The following NIM1K variants were observed in gnomAD, a reference collection of about 807,000 sequenced individuals.
NIM1K encodes the protein NIM1 serine/threonine protein kinase.
Under a neutral mutation model 37.1 loss-of-function variants are expected in NIM1K, and 35 were observed. The observed-to-expected ratio is 0.94, with a 90% CI of 0.72 to 1.25. The LOEUF (loss-of-function observed/expected upper bound fraction) is 1.25, where lower values mean the gene tolerates loss of function less well. Among genes scored for constraint, NIM1K ranks in the 50% most tolerant of loss-of-function variants. NIM1K has a pLI of 0.00. For synonymous variants in NIM1K, 234 were observed against 206.6 expected, an observed-to-expected ratio of 1.13 and a Z score of -1.14; for missense variants, 564 against 548.0, an observed-to-expected ratio of 1.03 and a Z score of -0.29.
At chr5:43,195,950 G>T (rs952979268) in intron 1 of NIM1K, among the ~76,000 whole-genome samples, 1 of 152,190 alleles carries the variant, frequency 6.6e-6, no homozygotes, top group African/African-American at 2.4e-5. Flanking sequence ...AAACTAAGAA[G>T]AACTCCACTC....
chr5:43,218,910 T>C (rs1752345083), intron 1 of NIM1K, among the ~76,000 whole-genome samples: 1 of 152,086 alleles, frequency 6.6e-6, no homozygotes, highest in African/African-American at 2.4e-5. Context: ...AAATCTCATC[T>C]TGAATTGTAG....
chr5:43,277,815 T>TGTGTGTGA (rs532526440), intron 3 of NIM1K, among the ~76,000 whole-genome samples: 1,648 of 128,718 alleles, frequency 0.013, 32 homozygotes, highest in African/African-American at 0.045. Flanking sequence ...TGTGTGTGTG[T>TGTGTGTGA]GAGAGAGAGA....
intron 1 of NIM1K, among the ~76,000 whole-genome samples, chr5:43,213,280 GTTTCC>G (rs70994608): frequency 0.36 from 20,871 of 57,536 alleles, 3,101 homozygotes; most frequent in East Asian, 0.42. Context: ...TTTCTTTCTT[GTTTCC>G]TTTCCTTTTC....
chr5:43,229,819 TAG>T (rs1381313968), intron 1 of NIM1K, among the ~76,000 whole-genome samples: 1 of 150,922 alleles, frequency 6.6e-6, no homozygotes, highest in Non-Finnish European at 1.5e-5. Context: ...GTATTTTTAG[TAG>T]AGATGGGGTT....
chr5:43,195,502 T>G (rs1751898797), intron 1 of NIM1K, among the ~76,000 whole-genome samples: 1 of 151,754 alleles, frequency 6.6e-6, no homozygotes, highest in South Asian at 2.1e-4. Flanking sequence ...TATAAAAATT[T>G]TTTAAAAATT....
At position 43,261,199 on chromosome 5, in the gene NIM1K, A is replaced by G. The variant is rs187614274; in HGVS notation, c.292+15132A>G. ...AGGAAGTGCCACATTGACTTCCTCA[A>G]TGGTTGAACTAGTTTACAGTCCCAC... On this transcript the variant is annotated intron_variant, in intron 2 of 3. Transcript: ENST00000326035. Among the ~76,000 whole-genome samples the G allele has an allele frequency of 2.6e-3, 399 of 152,346 alleles. 1 individual carries two copies. The highest frequency in any genetic ancestry group is 8.7e-3 in the African/African-American group (363 of 41,580).
Position 43,198,219 on chromosome 5 carries a change from T to TTC in NIM1K, c.-695+5810_-695+5811dup, listed in dbSNP as rs1381099875. Among the ~76,000 whole-genome samples, 135 of 95,674 alleles carry TTC rather than the reference T, an allele frequency of 1.4e-3. 4 individuals are homozygous for TTC. The highest frequency in any genetic ancestry group is 1.9e-3 in the Non-Finnish European group (86 of 44,226). The allele number at this position is 95,674 out of a possible 152,430, so 62.8% of individuals were successfully genotyped here. A position where few individuals can be genotyped will look rare whatever the true frequency, so the allele number is the denominator to read the frequency against. ...TCTTTCTTTCTTTCTCTTTCTTTCT[T>TTC]TCTTTCTTTCTTTCTTTCTTTCTTT... On this transcript the variant is annotated intron_variant, in intron 1 of 3. Coordinates refer to ENST00000326035, the MANE Select transcript of NIM1K (RefSeq NM_153361.4).
intron 1 of NIM1K, among the ~76,000 whole-genome samples, chr5:43,194,509 A>G (rs569649829): frequency 6.6e-6 from 1 of 152,216 alleles, no homozygotes; most frequent in African/African-American, 2.4e-5. Flanking sequence ...GGTTTATATG[A>G]AATCTGAATT....
chr5:43,231,949 A>G, intron 1 of NIM1K: 1 of 942,754 alleles, frequency 1.1e-6, no homozygotes, highest in Non-Finnish European at 1.6e-6. Flanking sequence ...CCCACGTACC[A>G]GTGAACAAAA....
At chr5:43,265,404 C>T (rs536050669) in intron 2 of NIM1K, among the ~76,000 whole-genome samples, 8 of 152,232 alleles carry the variant, frequency 5.3e-5, no homozygotes, top group African/African-American at 9.6e-5. Context: ...TCCATTTGAT[C>T]GAATTGGCTA....
In NIM1K at chr5:43,280,575, T is replaced by G. The variant is rs574027177; in HGVS notation, c.1157T>G (p.Val386Gly). The G allele has an allele frequency of 1.9e-6, 3 of 1,613,828 alleles. No individual in the cohort carries two copies. The Admixed American group carries it at 5.0e-5, about 27-fold the overall frequency. The change falls in exon 4 of 4, where the codon GTC (valine) becomes GGC (glycine). Residue 386 changes from valine (V) to glycine (G), a missense_variant. Physicochemically the swap from Val to Gly is moderately radical, Grantham distance 109. Transcript: ENST00000326035. ...GATGCTCGCAGCTCAATCACAGGGG[T>G]CTATAGAATTATTTTACATAGAGTC... ...GRDARSSITG[V>G]YRIILHRVQR... is the part of the protein sequence containing the mutation.
intron 1 of NIM1K, among the ~76,000 whole-genome samples, chr5:43,221,045 C>G (rs763338365): frequency 6.6e-5 from 10 of 151,936 alleles, no homozygotes; most frequent in Non-Finnish European, 1.2e-4. Flanking sequence ...ATGATGATCT[C>G]CATATAGACA....
intron 2 of NIM1K, among the ~76,000 whole-genome samples, chr5:43,274,075 T>A (rs549572815): frequency 1.8e-4 from 28 of 152,298 alleles, no homozygotes; most frequent in Admixed American, 5.2e-4. Flanking sequence ...TACATTTATA[T>A]TATGAGGCCT....
chr5:43,193,996 A>AT, intron 1 of NIM1K, among the ~76,000 whole-genome samples: 1 of 151,794 alleles, frequency 6.6e-6, no homozygotes. Context: ...TTTTTATTTT[A>AT]TTTTTTCAGA....
intron 2 of NIM1K, among the ~76,000 whole-genome samples, chr5:43,275,584 G>C (rs997062496): frequency 2.4e-4 from 36 of 152,214 alleles, no homozygotes; most frequent in African/African-American, 8.7e-4. Context: ...TCAACACTGG[G>C]TACTGGTGTG....
At chr5:43,255,928 C>T (rs996574083) in intron 2 of NIM1K, among the ~76,000 whole-genome samples, 2 of 151,212 alleles carry the variant, frequency 1.3e-5, no homozygotes, top group East Asian at 1.9e-4. Flanking sequence ...GCGTAGCAGG[C>T]GTAAGAGTGT....
At chr5:43,238,039 ATTTTTTTTTTT>A (rs71608701) in intron 1 of NIM1K, among the ~76,000 whole-genome samples, 1 of 120,618 alleles carries the variant, frequency 8.3e-6, no homozygotes, top group Non-Finnish European at 1.7e-5. Flanking sequence ...CTTCAATTTA[ATTTTTTTTTTT>A]TTTTTTTTTT....
intron 1 of NIM1K, chr5:43,231,749 T>A: frequency 9.6e-7 from 1 of 1,038,320 alleles, no homozygotes; most frequent in Non-Finnish European, 1.4e-6. Context: ...AGACCACAAC[T>A]TTTCAATGTT....
chr5:43,213,157 CTTTCTTTT>C (rs778382993), intron 1 of NIM1K, among the ~76,000 whole-genome samples: 7,322 of 41,436 alleles, frequency 0.18, 457 homozygotes, highest in East Asian at 0.39. Flanking sequence ...CATTTTCTTT[CTTTCTTTT>C]TTTCTTTCTT....
Sources: allele counts gnomAD v4.1 joint callset (sites outside exome capture counted in the v4.1 genomes callset), GRCh38; gene constraint gnomAD v4.1.1; transcripts MANE v1.5; gene names NCBI Gene and HGNC (gene_info 2026-07-23, HGNC 2026-07-21).